TMEM132D: variants seen among roughly 807,000 people sequenced by gnomAD.
The protein encoded by TMEM132D is transmembrane protein 132D.
TMEM132D carries 21 observed loss-of-function variants against 62.3 expected under a neutral mutation model. The ratio of observed to expected loss-of-function variants is 0.34; its 90% confidence interval spans 0.24 to 0.49. TMEM132D has a LOEUF of 0.49. Among genes scored for constraint, TMEM132D ranks in the 20% least tolerant of loss-of-function variants. TMEM132D has a pLI of 0.99. For synonymous variants in TMEM132D, 621 were observed against 575.6 expected (o/e 1.08, Z -1.13); for missense variants, 1,346 against 1,402.8 (o/e 0.96, Z 0.65).
intron 3 of TMEM132D, among the ~76,000 whole-genome samples, chr12:129,514,976 T>C (rs1875630109): frequency 6.6e-6 from 1 of 152,182 alleles, no homozygotes; most frequent in African/African-American, 2.4e-5. Context: ...CTTTAGTCAT[T>C]CAGAGAGACT....
At chr12:129,896,434 T>G (rs918885499) in intron 1 of TMEM132D, among the ~76,000 whole-genome samples, 1 of 152,206 alleles carries the variant, frequency 6.6e-6, no homozygotes, top group Non-Finnish European at 1.5e-5. Context: ...AAATACTTTA[T>G]TGCCACAATA....
intron 4 of TMEM132D, among the ~76,000 whole-genome samples, chr12:129,278,295 A>G (rs1052985722): frequency 6.6e-6 from 1 of 152,164 alleles, no homozygotes; most frequent in African/African-American, 2.4e-5. Flanking sequence ...CTCAGTGGTA[A>G]CTGGGTCACC....
At position 129,575,113 on chromosome 12, in the gene TMEM132D, G is replaced by A. The variant is rs1035303907; in HGVS notation, c.969-43908C>T. 2.0e-5 allele frequency among the ~76,000 whole-genome samples: 3 copies of A among 151,734 alleles called. No individual in the cohort carries two copies. In the South Asian group the frequency reaches 6.2e-4, roughly 31 times the overall value. Reference sequence around the variant, plus strand: ...TGAAGATGCTTTGCAGAAGGATAGTGGAATGTAGGCCCTCAATCCCCTAGA... The same window carrying A: ...TGAAGATGCTTTGCAGAAGGATAGTAGAATGTAGGCCCTCAATCCCCTAGA... On this transcript the variant is annotated intron_variant, in intron 2 of 8. Coordinates refer to ENST00000422113, the MANE Select transcript of TMEM132D (RefSeq NM_133448.3).
intron 5 of TMEM132D, among the ~76,000 whole-genome samples, chr12:129,095,346 G>GTTTTTT (rs34044401): frequency 1.7e-4 from 18 of 105,346 alleles, no homozygotes; most frequent in East Asian, 1.3e-3. Context: ...ATGCCTGCTG[G>GTTTTTT]TTTTTTTTTT....
chr12:129,702,873 C>A (rs1881415749), intron 1 of TMEM132D, among the ~76,000 whole-genome samples: 1 of 152,222 alleles, frequency 6.6e-6, no homozygotes, highest in Non-Finnish European at 1.5e-5. Context: ...TGTTTTTACA[C>A]TAGGATGTTA....
At chr12:129,186,827 A>G (rs1022912668) in intron 5 of TMEM132D, among the ~76,000 whole-genome samples, 1 of 152,234 alleles carries the variant, frequency 6.6e-6, no homozygotes, top group Non-Finnish European at 1.5e-5. Context: ...TGAAAGTGAC[A>G]ATTCCATTTT....
intron 4 of TMEM132D, among the ~76,000 whole-genome samples, chr12:129,286,081 C>T (rs1352215982): frequency 6.6e-6 from 1 of 152,204 alleles, no homozygotes; most frequent in African/African-American, 2.4e-5. Flanking sequence ...AACCAACCTC[C>T]TCAGTGTCCA....
chr12:129,256,869 T>C (rs753814443), intron 4 of TMEM132D, among the ~76,000 whole-genome samples: 9 of 152,042 alleles, frequency 5.9e-5, no homozygotes, highest in Admixed American at 2.6e-4. Context: ...CCTGTTTATA[T>C]TGTTTAATTC....
At chr12:129,644,761 G>A (rs941140439) in intron 2 of TMEM132D, among the ~76,000 whole-genome samples, 3 of 150,912 alleles carry the variant, frequency 2.0e-5, no homozygotes, top group African/African-American at 4.9e-5. Context: ...GGCAGATCAC[G>A]AGGTCAGGAG....
chr12:129,458,401 T>G (rs1030589937), intron 3 of TMEM132D, among the ~76,000 whole-genome samples: 7 of 151,616 alleles, frequency 4.6e-5, no homozygotes, highest in Non-Finnish European at 8.8e-5. Flanking sequence ...GGCAGAGGTT[T>G]TTTTTTTTTT....
chr12:129,238,996 G>GTTT (rs1555240386), intron 4 of TMEM132D, among the ~76,000 whole-genome samples: 2,115 of 133,000 alleles, frequency 0.016, 86 homozygotes, highest in African/African-American at 0.056. Flanking sequence ...GTTATTTTCT[G>GTTT]TTTTTTTTTT....
At chr12:129,388,458 GATA>G (rs779246575) in intron 3 of TMEM132D, among the ~76,000 whole-genome samples, 5,403 of 74,906 alleles carry the variant, frequency 0.072, 39 homozygotes, top group African/African-American at 0.13. Context: ...CAGCACTGAT[GATA>G]ATATTAACAC....
chr12:129,159,000 A>G (rs950589203), intron 5 of TMEM132D, among the ~76,000 whole-genome samples: 3 of 152,202 alleles, frequency 2.0e-5, no homozygotes, highest in Non-Finnish European at 4.4e-5. Flanking sequence ...AATGCATGGG[A>G]GAAACCACCT....
At chr12:129,709,148 A>G (rs1188528228) in intron 1 of TMEM132D, among the ~76,000 whole-genome samples, 5 of 152,180 alleles carry the variant, frequency 3.3e-5, no homozygotes, top group Non-Finnish European at 7.3e-5. Context: ...CATAACAGCA[A>G]TGCTCTCATA....
intron 4 of TMEM132D, among the ~76,000 whole-genome samples, chr12:129,276,740 G>T (rs1489270011): frequency 2.0e-5 from 3 of 152,144 alleles, no homozygotes; most frequent in South Asian, 2.1e-4. Flanking sequence ...ACAATAACAG[G>T]ATCCTTGCCT....
At chr12:129,622,634 T>C (rs1879104136) in intron 2 of TMEM132D, among the ~76,000 whole-genome samples, 1 of 152,222 alleles carries the variant, frequency 6.6e-6, no homozygotes, top group South Asian at 2.1e-4. Flanking sequence ...TATGGTGTTA[T>C]ACAAGCCGGA....
intron 2 of TMEM132D, among the ~76,000 whole-genome samples, chr12:129,681,073 A>G (rs983977367): frequency 3.3e-5 from 5 of 152,210 alleles, no homozygotes; most frequent in African/African-American, 7.2e-5. Flanking sequence ...TGTGAAATGT[A>G]GATTGCAGAG....
chr12:129,153,507 A>C (rs1877139914), intron 5 of TMEM132D, among the ~76,000 whole-genome samples: 1 of 152,076 alleles, frequency 6.6e-6, no homozygotes, highest in African/African-American at 2.4e-5. Context: ...TGAAGAATGG[A>C]AGGAGAGCAG....
intron 2 of TMEM132D, among the ~76,000 whole-genome samples, chr12:129,568,032 T>A (rs1490345096): frequency 6.6e-6 from 1 of 151,618 alleles, no homozygotes; most frequent in Admixed American, 6.6e-5. Flanking sequence ...AGGAAAAGAG[T>A]TTTCATTTCT....
Sources: gnomAD v4.1 joint callset for allele counts (sites outside exome capture counted in the v4.1 genomes callset) on GRCh38, gnomAD v4.1.1 for gene constraint, MANE v1.5 for transcripts, NCBI Gene and HGNC (gene_info 2026-07-23, HGNC 2026-07-21) for gene names.